ENPP2: variants seen among roughly 807,000 people sequenced by gnomAD.
ENPP2 encodes the protein autotaxin.
ENPP2 carries 51 observed loss-of-function variants against 120.2 expected under a neutral mutation model. The observed-to-expected ratio is 0.42, with a 90% CI of 0.34 to 0.54. The LOEUF is 0.54. Among genes scored for constraint, ENPP2 ranks in the 20% least tolerant of loss-of-function variants. The pLI is 0.04. For missense variants in ENPP2, 920 were observed against 1,066.5 expected (o/e 0.86, Z 1.91); for synonymous variants, 365 against 366.4 (o/e 1.00, Z 0.04).
At chr8:119,637,928 CCTCT>C (rs984932547) in intron 2 of ENPP2, among the ~76,000 whole-genome samples, 32 of 152,324 alleles carry the variant, frequency 2.1e-4, no homozygotes, top group African/African-American at 7.2e-4. Flanking sequence ...TTAAACACCT[CCTCT>C]CTTTTATGTT....
intron 1 of ENPP2, among the ~76,000 whole-genome samples, chr8:119,650,158 A>T (rs1466222801): frequency 6.6e-6 from 1 of 152,208 alleles, no homozygotes; most frequent in Non-Finnish European, 1.5e-5. Flanking sequence ...CTCAGCAATA[A>T]AAAGGAATGA....
In ENPP2 at chr8:119,616,283, T is replaced by C. The variant is rs1242298436; in HGVS notation, c.759A>G (p.Arg253=). ...AACTTACCGGTTGACCTCCCCACCA[T>C]CTATGATTAAATTTCTCTCGCCCTC... is the stretch of plus-strand genomic sequence containing the variant. ...HLRGREKFNH[R]WWGGQPLWIT... Residue 253 remains arginine (R), a synonymous_variant, in exon 8 of 25, where the codon AGA becomes AGG. Transcript: ENST00000075322. 1.2e-6 allele frequency: 2 copies of C among 1,606,234 alleles called. No individual in the cohort carries two copies. The highest frequency in any genetic ancestry group is 1.1e-5 in the South Asian group (1 of 90,170).
chr8:119,569,516 C>A lies in ENPP2; in HGVS notation c.1918-146G>T, dbSNP rs1432969175. The stretch of plus-strand genomic sequence containing the variant: ...TTTTTTATCTTTGATAGTCTGACTT[C>A]TTTTTAAAAGTCCTTAGTTTTAAGT... On this transcript the variant is annotated intron_variant, in intron 20 of 24. Transcript: ENST00000075322. 53 of 703,600 alleles carry A rather than the reference C, an allele frequency of 7.5e-5. No homozygotes were observed. The East Asian group carries it at 1.5e-3, about 20-fold the overall frequency. 43.6% of individuals were successfully genotyped at this position (703,600 alleles called of 1,614,324 possible).
Position 119,562,841 on chromosome 8 carries a change from C to T in ENPP2, c.2421+16G>A. 6.2e-7 allele frequency: 1 copy of T among 1,611,812 alleles called. No individual in the cohort carries two copies. The highest frequency in any genetic ancestry group is 8.5e-7 in the Non-Finnish European group (1 of 1,178,864). On this transcript the variant is annotated intron_variant, in intron 24 of 24. Transcript: ENST00000075322. ...CTATGGAAGCAAATCCTAAAGGACT[C>T]TCTCTGTAAACTCACATTGCAGCTC...
intron 2 of ENPP2, among the ~76,000 whole-genome samples, chr8:119,633,388 C>T (rs904808116): frequency 1.3e-5 from 2 of 152,120 alleles, no homozygotes; most frequent in Non-Finnish European, 2.9e-5. Context: ...TGGTTCTTAG[C>T]CCAGGTATTT....
chr8:119,570,196 G>T (rs1368606859), intron 20 of ENPP2, among the ~76,000 whole-genome samples: 3 of 151,076 alleles, frequency 2.0e-5, no homozygotes, highest in African/African-American at 7.3e-5. Context: ...TTGAACCCAG[G>T]AGGCAGAGGT....
At chr8:119,617,128 G>A in intron 7 of ENPP2, 36 bp downstream of exon 7, 1 of 1,238,582 alleles carries the variant, frequency 8.1e-7, no homozygotes, top group Non-Finnish European at 1.2e-6. Context: ...GATGAAATCA[G>A]CCCTTTGAAT....
intron 4 of ENPP2, among the ~76,000 whole-genome samples, chr8:119,619,656 C>T (rs2130728484): frequency 6.6e-6 from 1 of 151,252 alleles, no homozygotes; most frequent in East Asian, 1.9e-4. Flanking sequence ...TTCTTTTCTC[C>T]ACCACTGGAG....
At chr8:119,583,671 C>A (rs768863918) in intron 17 of ENPP2, 46 bp downstream of exon 17, 1 of 1,041,714 alleles carries the variant, frequency 9.6e-7, no homozygotes, top group Non-Finnish European at 1.5e-6. Flanking sequence ...ATCATATATA[C>A]TAACTAAAGA....
At chr8:119,579,634 AAAGT>A (rs1406453438) in intron 19 of ENPP2, among the ~76,000 whole-genome samples, 2 of 151,848 alleles carry the variant, frequency 1.3e-5, no homozygotes, top group African/African-American at 4.8e-5. Context: ...CATTGTACGT[AAAGT>A]AAGAGTTAGG....
chr8:119,595,267 G>A (rs1049050044), intron 11 of ENPP2, among the ~76,000 whole-genome samples: 3 of 152,268 alleles, frequency 2.0e-5, no homozygotes, highest in Non-Finnish European at 4.4e-5. Context: ...GTATTCAAAG[G>A]TTTTAGGAAA....
chr8:119,590,828 C>A (rs1415231909), intron 12 of ENPP2, among the ~76,000 whole-genome samples, 198 bp from the exon 13 acceptor site: 1 of 151,924 alleles, frequency 6.6e-6, no homozygotes, highest in African/African-American at 2.4e-5. Context: ...TAGACTTTTA[C>A]TTAGCCATAT....
intron 1 of ENPP2, among the ~76,000 whole-genome samples, chr8:119,668,200 C>T (rs1048436028): frequency 2.0e-5 from 3 of 152,050 alleles, no homozygotes; most frequent in Non-Finnish European, 2.9e-5. Context: ...TTGTAAATAC[C>T]GTGAGATCAG....
chr8:119,574,215 G>C (rs925063009), intron 19 of ENPP2, among the ~76,000 whole-genome samples: 1 of 152,084 alleles, frequency 6.6e-6, no homozygotes, highest in African/African-American at 2.4e-5. Context: ...TGACATCTTG[G>C]GGGAGCCACC....
intron 11 of ENPP2, among the ~76,000 whole-genome samples, chr8:119,596,680 TA>T (rs1813916739): frequency 6.6e-6 from 1 of 152,208 alleles, no homozygotes; most frequent in African/African-American, 2.4e-5. Flanking sequence ...AGAGGAACTC[TA>T]AGTTAAAGTC....
At chr8:119,574,223 A>G (rs1812178162) in intron 19 of ENPP2, among the ~76,000 whole-genome samples, 1 of 152,104 alleles carries the variant, frequency 6.6e-6, no homozygotes, top group Non-Finnish European at 1.5e-5. Flanking sequence ...TGGGGGAGCC[A>G]CCCACTGCAT....
chr8:119,611,435 A>G (rs1815101644), intron 8 of ENPP2, among the ~76,000 whole-genome samples: 1 of 152,142 alleles, frequency 6.6e-6, no homozygotes, highest in Non-Finnish European at 1.5e-5. Context: ...GCAGCAGAAG[A>G]GACTGGGGCC....
chr8:119,637,704 C>T (rs1817084209), intron 2 of ENPP2, among the ~76,000 whole-genome samples: 1 of 152,198 alleles, frequency 6.6e-6, no homozygotes, highest in Non-Finnish European at 1.5e-5. Flanking sequence ...TTAACCAACT[C>T]ATTGCTTAAG....
intron 13 of ENPP2, among the ~76,000 whole-genome samples, chr8:119,590,031 G>A (rs1251956152): frequency 1.3e-5 from 2 of 152,084 alleles, no homozygotes; most frequent in East Asian, 1.9e-4. Flanking sequence ...TTTACAAAGA[G>A]AATGGACTCC....
Sources: gnomAD v4.1 joint callset for allele counts (sites outside exome capture counted in the v4.1 genomes callset) on GRCh38, gnomAD v4.1.1 for gene constraint, MANE v1.5 for transcripts, NCBI Gene and HGNC (gene_info 2026-07-23, HGNC 2026-07-21) for gene names.